Variants in UNC5A observed in about 807,000 individuals in gnomAD.
UNC5A encodes the protein netrin receptor UNC5A.
In UNC5A, 20 loss-of-function variants were observed where a neutral mutation model predicts 87.4. That is an observed-to-expected ratio of 0.23 (90% confidence interval 0.16 to 0.33). The LOEUF is 0.33. Among genes scored for constraint, UNC5A ranks in the 10% least tolerant of loss-of-function variants. The pLI is 1.00. For missense variants in UNC5A, 844 were observed against 1,133.4 expected (o/e 0.74, Z 3.67); for synonymous variants, 438 against 482.3 (o/e 0.91, Z 1.20).
chr5:176,877,396 C>G, intron 9 of UNC5A, 117 bp downstream of exon 9: 1 of 1,342,864 alleles, frequency 7.4e-7, no homozygotes, highest in Non-Finnish European at 1.0e-6. Context: ...GGGGAAAGAG[C>G]TATGCCTAAG....
chr5:176,847,606 C>T (rs1194669645), intron 1 of UNC5A, among the ~76,000 whole-genome samples: 1 of 152,112 alleles, frequency 6.6e-6, no homozygotes, highest in African/African-American at 2.4e-5. Flanking sequence ...CCCAATTACC[C>T]GTTTAGCTGC....
At chr5:176,819,423 CA>C (rs140370479) in intron 1 of UNC5A, among the ~76,000 whole-genome samples, 3,062 of 152,270 alleles carry the variant, frequency 0.02, 92 homozygotes, top group African/African-American at 0.069. Context: ...GAACTGAACT[CA>C]GGGGTGGCTG....
chr5:176,842,494 T>G (rs1161473853), intron 1 of UNC5A, among the ~76,000 whole-genome samples: 11 of 123,706 alleles, frequency 8.9e-5, no homozygotes, highest in Admixed American at 7.4e-4. Context: ...GAAACTGTGA[T>G]ATATATATAT....
rs559216684 is a variant in UNC5A at position 176,850,554 on chromosome 5, T to C, written c.71-12070T>C. Among the ~76,000 whole-genome samples, 15 of 141,264 alleles carry C rather than the reference T, an allele frequency of 1.1e-4. No individual in the cohort carries two copies. The South Asian group carries it at 3.7e-3, about 35-fold the overall frequency. The allele number at this position is 141,264 out of a possible 152,430, so 92.7% of individuals were successfully genotyped here. A position where few individuals can be genotyped will look rare whatever the true frequency, so the allele number is the denominator to read the frequency against. On this transcript the variant is annotated intron_variant, in intron 1 of 14. Transcript: ENST00000329542. ...GTCGGGATGGCGCAGGCAGCGAGGG[T>C]GGGCGGGGAGCCTGGCTAGGGACCC... is the stretch of plus-strand genomic sequence containing the variant.
chr5:176,875,751 C>T lies in UNC5A; in HGVS notation c.1378+1185C>T, dbSNP rs528536974. On this transcript the variant is annotated intron_variant, in intron 8 of 14. Coordinates refer to ENST00000329542, the MANE Select transcript of UNC5A (RefSeq NM_133369.3). This position sits in a 1 kb window ranked among gnomAD's most constrained non-coding sequence, Gnocchi z 5.2. ...GCCTCTTCCCTCACACACATCGTCC[C>T]GCACACGGCAGCCACCATGGACTCA... 1.4e-4 allele frequency among the ~76,000 whole-genome samples: 22 copies of T among 152,298 alleles called. No individual in the cohort carries two copies. Among genetic ancestry groups the T allele is most frequent in the Non-Finnish European group, 2.5e-4 (17 of 68,026 alleles).
At chr5:176,839,937 C>T (rs1432604120) in intron 1 of UNC5A, among the ~76,000 whole-genome samples, 1 of 151,646 alleles carries the variant, frequency 6.6e-6, no homozygotes. Context: ...CTGCCTCAGC[C>T]TTGCTTGTGG....
intron 2 of UNC5A, 107 bp from the exon 3 acceptor site, chr5:176,868,023 C>A: frequency 1.1e-6 from 1 of 932,360 alleles, no homozygotes; most frequent in Non-Finnish European, 1.5e-6. Context: ...AAAACAAAGT[C>A]CACTCCCTTG....
chr5:176,862,364 A>T (rs936681564), intron 1 of UNC5A, among the ~76,000 whole-genome samples: 1 of 151,892 alleles, frequency 6.6e-6, no homozygotes, highest in Admixed American at 6.5e-5. Flanking sequence ...CGGTGCTGGG[A>T]CTCCGCCCAG....
chr5:176,830,676 G>T (rs1300603469), intron 1 of UNC5A, among the ~76,000 whole-genome samples: 22 of 147,104 alleles, frequency 1.5e-4, no homozygotes, highest in Admixed American at 6.8e-4. Flanking sequence ...GTGTGTGTGG[G>T]AGTGTGTGCT....
chr5:176,843,195 A>AG (rs1757321599), intron 1 of UNC5A, among the ~76,000 whole-genome samples: 1 of 152,034 alleles, frequency 6.6e-6, no homozygotes, highest in Admixed American at 6.6e-5. Flanking sequence ...AAAGAAAGAA[A>AG]AAAAGAAAAG....
chr5:176,816,673 A>G (rs1486135583), intron 1 of UNC5A, among the ~76,000 whole-genome samples: 2 of 152,262 alleles, frequency 1.3e-5, no homozygotes, highest in Admixed American at 6.5e-5. Flanking sequence ...CCTTGTCTGT[A>G]CAACTGACTC....
Position 176,817,222 on chromosome 5 carries a change from C to G in UNC5A, c.70+6402C>G, listed in dbSNP as rs1756610264. Among the ~76,000 whole-genome samples the G allele has an allele frequency of 2.6e-5, 4 of 151,718 alleles. No individual in the cohort carries two copies. In the South Asian group the frequency reaches 8.4e-4, roughly 32 times the overall value. On this transcript the variant is annotated intron_variant, in intron 1 of 14. Transcript: ENST00000329542. ...CCACACTGGGATATCAGAGCTGTGT[C>G]CGTCTGGAAGGCTCAGGGTCACCTT...
chr5:176,848,209 T>G lies in UNC5A; in HGVS notation c.71-14415T>G, dbSNP rs938060712. Among the ~76,000 whole-genome samples, 5 of 150,852 alleles carry G rather than the reference T, an allele frequency of 3.3e-5. No individual in the cohort carries two copies. The highest frequency in any genetic ancestry group is 1.2e-4 in the African/African-American group (5 of 40,884). ...CCCCGCACCCAGATCCCTCCGCCCCTCAGCCTGGTGTGACATCCTTTAGGG... is the reference window on the plus strand; with the variant it reads ...CCCCGCACCCAGATCCCTCCGCCCCGCAGCCTGGTGTGACATCCTTTAGGG... On this transcript the variant is annotated intron_variant, in intron 1 of 14. Coordinates refer to ENST00000329542, the MANE Select transcript of UNC5A (RefSeq NM_133369.3). This position sits in a 1 kb window ranked among gnomAD's most constrained non-coding sequence, Gnocchi z 5.8.
chr5:176,877,051 C>T (rs1034401990), intron 8 of UNC5A, 141 bp from the exon 9 acceptor site: 49 of 660,974 alleles, frequency 7.4e-5, no homozygotes, highest in Non-Finnish European at 1.1e-4. Context: ...TTGGTCAGCA[C>T]GGCAGTCTTT....
In UNC5A at chr5:176,810,667, C is replaced by A; in HGVS notation, c.-84C>A. 1 of 465,356 alleles carries A rather than the reference C, an allele frequency of 2.1e-6. No individual in the cohort carries two copies. The highest frequency in any genetic ancestry group is 2.8e-6 in the Non-Finnish European group (1 of 354,506). The allele number at this position is 465,356 out of a possible 1,614,324, so 28.8% of individuals were successfully genotyped here. On this transcript the variant is annotated 5_prime_UTR_variant, in exon 1 of 15. The change creates a new upstream start codon in the 5' untranslated region. Coordinates refer to ENST00000329542, the MANE Select transcript of UNC5A (RefSeq NM_133369.3). This position sits in a 1 kb window ranked among gnomAD's most constrained non-coding sequence, Gnocchi z 7.3. ...GCATGGGCCCCGGGGGCGCCCCGAG[C>A]TGGGGCTCCGGGCTGAGGCGCTAAA...
At chr5:176,817,709 G>C (rs1258412083) in intron 1 of UNC5A, among the ~76,000 whole-genome samples, 2 of 152,064 alleles carry the variant, frequency 1.3e-5, no homozygotes, top group Non-Finnish European at 2.9e-5. Context: ...TAGGCCGGCG[G>C]ATCTGCGGGG....
chr5:176,859,211 A>G (rs772666), intron 1 of UNC5A, among the ~76,000 whole-genome samples: 210 of 13,506 alleles, frequency 0.016, 18 homozygotes, highest in Middle Eastern at 0.05. Flanking sequence ...TAGAGGGCAT[A>G]GCTGCTAGAA....
chr5:176,877,709 C>T lies in UNC5A; in HGVS notation c.1635+6C>T, dbSNP rs1758297043. 1.3e-6 allele frequency: 2 copies of T among 1,592,178 alleles called. No individual in the cohort carries two copies. Among genetic ancestry groups the T allele is most frequent in the Admixed American group, 1.7e-5 (1 of 58,560 alleles). ...CGTGCGAGGGCAGCTGGGAGGTGAG[C>T]AGGGAACTGACCCGGGCTCCAGAAG... On this transcript the variant is annotated splice_donor_region_variant and intron_variant, in intron 10 of 14. Coordinates refer to ENST00000329542, the MANE Select transcript of UNC5A (RefSeq NM_133369.3).
chr5:176,874,485 C>G lies in UNC5A; in HGVS notation c.1297C>G (p.Arg433Gly), dbSNP rs778234358. The change falls in exon 8 of 15, where the codon CGC becomes GGC. Residue 433 changes from arginine to glycine, a missense_variant. Arg to Gly is a moderately radical substitution (Grantham distance 125, BLOSUM62 -2). This residue lies in a region of UNC5A where 353 missense variants were observed against 387.5 expected (regional missense o/e 0.91). Coordinates refer to ENST00000329542, the MANE Select transcript of UNC5A (RefSeq NM_133369.3). This position sits in a 1 kb window ranked among gnomAD's most constrained non-coding sequence, Gnocchi z 7.6. ...CCGCCTCTCCACCCAGAACTACTTC[C>G]GCTCCCTGCCCCGAGGCACCAGCAA... is the stretch of plus-strand genomic sequence containing the variant. ...VSRLSTQNYF[R>G]SLPRGTSNMT... 6.2e-7 allele frequency: 1 copy of G among 1,611,148 alleles called. No individual in the cohort carries two copies. Among genetic ancestry groups the G allele is most frequent in the Non-Finnish European group, 8.5e-7 (1 of 1,178,574 alleles).
Sources: gnomAD v4.1 joint callset for allele counts (sites outside exome capture counted in the v4.1 genomes callset) on GRCh38, gnomAD v4.1.1 for gene constraint, gnomAD v4.1.1 regional missense constraint, Gnocchi (gnomAD v3.1) non-coding constraint, MANE v1.5 for transcripts, NCBI Gene and HGNC (gene_info 2026-07-23, HGNC 2026-07-21) for gene names.